ALG14: variants seen among roughly 807,000 people sequenced by gnomAD.
ALG14 encodes the protein UDP-N-acetylglucosamine transferase subunit ALG14.
Under a neutral mutation model 22.8 loss-of-function variants are expected in ALG14, and 17 were observed. That is an observed-to-expected ratio of 0.75 (90% confidence interval 0.51 to 1.12). The LOEUF (loss-of-function observed/expected upper bound fraction) is 1.12, where lower values mean the gene tolerates loss of function less well. Among genes scored for constraint, ALG14 ranks in the 50% most tolerant of loss-of-function variants. The probability of loss-of-function intolerance (pLI) is 0.00; values close to 1 mark genes in which losing one functional copy is unlikely to be tolerated. For missense variants in ALG14, 288 were observed against 271.8 expected (o/e 1.06, Z -0.42); for synonymous variants, 89 against 103.7 (o/e 0.86, Z 0.86).
At chr1:95,000,503 TC>T (rs1220267988) in intron 3 of ALG14, among the ~76,000 whole-genome samples, 3 of 121,706 alleles carry the variant, frequency 2.5e-5, no homozygotes. Flanking sequence ...GGCACTATAC[TC>T]CAGCCTGCGT....
At chr1:95,019,652 G>A (rs1427400912) in intron 3 of ALG14, among the ~76,000 whole-genome samples, 1 of 152,176 alleles carries the variant, frequency 6.6e-6, no homozygotes, top group African/African-American at 2.4e-5. Context: ...GTCCTGGTAT[G>A]AGTGGAATTT....
At chr1:95,024,972 T>G (rs1029937713) in intron 3 of ALG14, among the ~76,000 whole-genome samples, 1 of 152,184 alleles carries the variant, frequency 6.6e-6, no homozygotes, top group African/African-American at 2.4e-5. Context: ...TGGTGAATCT[T>G]TTCCAGAAGG....
chr1:95,046,378 G>A (rs1047349527), intron 2 of ALG14, among the ~76,000 whole-genome samples: 2 of 152,186 alleles, frequency 1.3e-5, no homozygotes, highest in East Asian at 1.9e-4. Flanking sequence ...TTAGAAGTGC[G>A]AACCCTATTG....
intron 3 of ALG14, among the ~76,000 whole-genome samples, chr1:95,021,270 A>G (rs1402729972): frequency 1.3e-5 from 2 of 152,158 alleles, no homozygotes; most frequent in Admixed American, 1.3e-4. Context: ...TTGAACTCCT[A>G]CATGCCCCAC....
At chr1:95,062,673 C>T (rs1208789044) in intron 2 of ALG14, among the ~76,000 whole-genome samples, 2 of 152,186 alleles carry the variant, frequency 1.3e-5, no homozygotes, top group Non-Finnish European at 2.9e-5. Flanking sequence ...TGTATATGTA[C>T]CACATTTTCT....
intron 2 of ALG14, among the ~76,000 whole-genome samples, chr1:95,050,818 A>G (rs539271845): frequency 1.3e-5 from 2 of 151,992 alleles, no homozygotes; most frequent in South Asian, 4.1e-4. Flanking sequence ...CCTAAGGCCC[A>G]GTTGTTAGTC....
intron 2 of ALG14, among the ~76,000 whole-genome samples, chr1:95,029,693 TG>T (rs950753209): frequency 5.3e-5 from 8 of 152,338 alleles, no homozygotes; most frequent in Non-Finnish European, 2.9e-5. Flanking sequence ...AAATTGTGTT[TG>T]GAGGCTTCTA....
At chr1:95,029,363 CG>C (rs1335339584) in intron 2 of ALG14, among the ~76,000 whole-genome samples, 2 of 152,174 alleles carry the variant, frequency 1.3e-5, no homozygotes, top group South Asian at 2.1e-4. Flanking sequence ...GAAATTGTCA[CG>C]TCTTTTATGA....
chr1:95,032,754 C>T (rs893636751), intron 2 of ALG14, among the ~76,000 whole-genome samples: 5 of 152,188 alleles, frequency 3.3e-5, no homozygotes, highest in Non-Finnish European at 7.3e-5. Context: ...GCCATCCTGA[C>T]AGGGACAGTG....
rs1672506780 is a variant in ALG14 at position 94,982,051 on chromosome 1, T to C, written c.*1025A>G. The C allele has an allele frequency of 6.6e-6, 1 of 151,924 alleles. No homozygotes were observed. The highest frequency in any genetic ancestry group is 2.1e-4 in the South Asian group (1 of 4,816). The allele number at this position is 151,924 out of a possible 1,614,324, so 9.4% of individuals were successfully genotyped here. On this transcript the variant is annotated 3_prime_UTR_variant, in exon 4 of 4. Coordinates refer to ENST00000370205, the MANE Select transcript of ALG14 (RefSeq NM_144988.4). Reference sequence around the variant, plus strand: ...CTTGAATTCTGGCTTTGCTACTTACTACTCATGTGATCTTGGACAAGTCAT... The same window carrying C: ...CTTGAATTCTGGCTTTGCTACTTACCACTCATGTGATCTTGGACAAGTCAT...
intron 2 of ALG14, among the ~76,000 whole-genome samples, chr1:95,050,542 A>G (rs1208048944): frequency 3.3e-5 from 5 of 152,218 alleles, no homozygotes; most frequent in African/African-American, 1.2e-4. Flanking sequence ...TGTCAGAAAT[A>G]TAACAAAAAT....
chr1:94,981,501 C>A lies in ALG14; in HGVS notation c.*1575G>T, dbSNP rs1571568064. On this transcript the variant is annotated 3_prime_UTR_variant, in exon 4 of 4. Transcript: ENST00000370205. Reference sequence around the variant, plus strand: ...AAAAAAAGAAAAAAGGCTGGATCAGCCTCAGGATTTTAATCTTACATGATC... The same window carrying A: ...AAAAAAAGAAAAAAGGCTGGATCAGACTCAGGATTTTAATCTTACATGATC... 1 of 149,028 alleles carries A rather than the reference C, an allele frequency of 6.7e-6. No homozygotes were observed. Among genetic ancestry groups the A allele is most frequent in the African/African-American group, 2.5e-5 (1 of 40,684 alleles). The allele number at this position is 149,028 out of a possible 1,614,324, so 9.2% of individuals were successfully genotyped here.
At chr1:95,022,411 G>A in intron 3 of ALG14, 1 of 972,904 alleles carries the variant, frequency 1.0e-6, no homozygotes, top group South Asian at 4.8e-5. Context: ...AGATATTTGG[G>A]GGGATTTTCA....
chr1:95,053,973 TAG>T (rs1243296547), intron 2 of ALG14, among the ~76,000 whole-genome samples: 4 of 152,162 alleles, frequency 2.6e-5, no homozygotes, highest in African/African-American at 4.8e-5. Flanking sequence ...AATGTCAGAT[TAG>T]AGTTTTACAA....
chr1:95,053,059 T>C (rs1391242808), intron 2 of ALG14, among the ~76,000 whole-genome samples: 1 of 152,078 alleles, frequency 6.6e-6, no homozygotes, highest in Non-Finnish European at 1.5e-5. Flanking sequence ...GCATCAGTAA[T>C]CACAACAAAT....
chr1:95,001,638 G>A (rs1008344018), intron 3 of ALG14, among the ~76,000 whole-genome samples: 2 of 152,144 alleles, frequency 1.3e-5, no homozygotes, highest in Admixed American at 6.5e-5. Context: ...TGGGATTACA[G>A]GTGTGCACCA....
At chr1:95,048,150 A>AT (rs1273845106) in intron 2 of ALG14, among the ~76,000 whole-genome samples, 2 of 152,150 alleles carry the variant, frequency 1.3e-5, no homozygotes, top group East Asian at 3.8e-4. Flanking sequence ...CTCATTTTGT[A>AT]TTTTTTGATT....
intron 2 of ALG14, among the ~76,000 whole-genome samples, chr1:95,038,223 A>G (rs1055408894): frequency 2.6e-5 from 4 of 152,054 alleles, no homozygotes; most frequent in African/African-American, 9.6e-5. Flanking sequence ...TTACGCCTGT[A>G]ATGCCTGTAA....
chr1:95,058,194 G>A (rs559782853), intron 2 of ALG14, among the ~76,000 whole-genome samples: 1 of 137,266 alleles, frequency 7.3e-6, no homozygotes, highest in South Asian at 2.5e-4. Context: ...GCTGAGGCAG[G>A]AGAATTGCTT....
Sources: gnomAD v4.1 joint callset for allele counts (sites outside exome capture counted in the v4.1 genomes callset) on GRCh38, gnomAD v4.1.1 for gene constraint, MANE v1.5 for transcripts, NCBI Gene and HGNC (gene_info 2026-07-23, HGNC 2026-07-21) for gene names.